The following HSPG2 variants were observed in gnomAD, a reference collection of about 807,000 sequenced individuals.
HSPG2 encodes heparan sulfate proteoglycan 2, also known as basement membrane-specific heparan sulfate proteoglycan core protein.
Under a neutral mutation model 526.6 loss-of-function variants are expected in HSPG2, and 278 were observed. That is an observed-to-expected ratio of 0.53 (90% CI 0.48 to 0.58). The LOEUF (loss-of-function observed/expected upper bound fraction) is 0.58, where lower values mean the gene tolerates loss of function less well. Among genes scored for constraint, HSPG2 ranks in the 20% least tolerant of loss-of-function variants. HSPG2 has a pLI of 0.00. For missense variants in HSPG2, 5,354 were observed against 6,099.5 expected, an observed-to-expected ratio of 0.88 and a Z score of 4.07; for synonymous variants, 2,465 against 2,555.4, an observed-to-expected ratio of 0.96 and a Z score of 1.07.
At position 21,851,663 on chromosome 1, in the gene HSPG2, G is replaced by C; in HGVS notation, c.7041C>G (p.Pro2347=). The change falls in exon 55 of 97, where the codon CCC becomes CCG. Residue 2347 remains proline (P), a synonymous_variant. Transcript: ENST00000374695. ...GCCCTTCCGCCACTTGCGAGGAGGAGGGCTCGATGCGGATGGGCTGGGTGC... is the reference window on the plus strand; with the variant it reads ...GCCCTTCCGCCACTTGCGAGGAGGACGGCTCGATGCGGATGGGCTGGGTGC... ...AGSTQPIRIE[P]SSSQVAEGQT... 1 of 1,614,010 alleles carries C rather than the reference G, an allele frequency of 6.2e-7. No individual in the cohort carries two copies. The highest frequency in any genetic ancestry group is 8.5e-7 in the Non-Finnish European group (1 of 1,180,020).
rs557835860 is a variant in HSPG2, at chr1:21,865,492, G to A, written c.4315-127C>T. Reference sequence around the variant, plus strand: ...CCTCTCTGCTCTCCCAAGCTCATGCGCCCAAAGGAGTCAGGCACATGCCCA... The same window carrying A: ...CCTCTCTGCTCTCCCAAGCTCATGCACCCAAAGGAGTCAGGCACATGCCCA... On this transcript the variant is annotated intron_variant, in intron 34 of 96. Coordinates refer to ENST00000374695, the MANE Select transcript of HSPG2 (RefSeq NM_005529.7). This position sits in a 1 kb window ranked among gnomAD's most constrained non-coding sequence, Gnocchi z 5.4. 11 of 963,394 alleles carry A rather than the reference G, an allele frequency of 1.1e-5. No homozygotes were observed. Among genetic ancestry groups the A allele is most frequent in the South Asian group, 5.3e-5 (4 of 74,860 alleles). 59.7% of individuals were successfully genotyped at this position (963,394 alleles called of 1,614,324 possible).
At position 21,908,516 on chromosome 1, in the gene HSPG2, T is replaced by C. The variant is rs1268824429; in HGVS notation, c.64-12206A>G. The C allele has an allele frequency of 3.1e-6, 3 of 960,656 alleles. No individual in the cohort carries two copies. The Admixed American group carries it at 5.1e-5, about 16-fold the overall frequency. The allele number at this position is 960,656 out of a possible 1,614,324, so 59.5% of individuals were successfully genotyped here. A position where few individuals can be genotyped will look rare whatever the true frequency, so the allele number is the denominator to read the frequency against. On this transcript the variant is annotated intron_variant, in intron 1 of 96. Coordinates refer to ENST00000374695, the MANE Select transcript of HSPG2 (RefSeq NM_005529.7). Reference sequence around the variant, plus strand: ...CCTGCTCCACCCAGCAAAGCACACTTTGTGAGAACCAATGGGAAGGAGCCT... The same window carrying C: ...CCTGCTCCACCCAGCAAAGCACACTCTGTGAGAACCAATGGGAAGGAGCCT...
chr1:21,921,293 A>G (rs891084374), intron 1 of HSPG2, among the ~76,000 whole-genome samples: 2 of 152,128 alleles, frequency 1.3e-5, no homozygotes, highest in Non-Finnish European at 2.9e-5. Flanking sequence ...GCAGGGTCTG[A>G]GCCTGGGAGA....
chr1:21,834,456 A>G (rs2098017986), intron 77 of HSPG2, among the ~76,000 whole-genome samples: 1 of 152,080 alleles, frequency 6.6e-6, no homozygotes, highest in Non-Finnish European at 1.5e-5. Flanking sequence ...TTGATGCTCT[A>G]TGGCCTAGCT....
rs1316660217 is a variant in HSPG2 at position 21,828,303 on chromosome 1, G to T, written c.12361C>A (p.Pro4121Thr). The T allele has an allele frequency of 6.2e-7, 1 of 1,613,702 alleles. No individual in the cohort carries two copies. Among genetic ancestry groups the T allele is most frequent in the Non-Finnish European group, 8.5e-7 (1 of 1,180,046 alleles). Residue 4121 changes from proline to threonine, a missense_variant, in exon 89 of 97, where the codon CCC (proline) becomes ACC (threonine). Coordinates refer to ENST00000374695, the MANE Select transcript of HSPG2 (RefSeq NM_005529.7). The surrounding 1 kb of genome is among the most constrained non-coding windows in gnomAD (Gnocchi z 6.0). ...CACTGGAACTCATACTCGCCAGCGG[G>T]CATGCACGTGGCACCATGTTGGCAA... ...QPCQHGATCMPAGEYEFQCLC... is the reference protein window; with the variant it reads ...QPCQHGATCMTAGEYEFQCLC...
chr1:21,835,477 G>C, intron 76 of HSPG2, 63 bp downstream of exon 76: 2 of 1,062,626 alleles, frequency 1.9e-6, no homozygotes, highest in Non-Finnish European at 2.9e-6. Context: ...TGGGCCTTGT[G>C]CCTCTCTGCC....
At position 21,841,633 on chromosome 1, in the gene HSPG2, G is replaced by T. The variant is rs745391539; in HGVS notation, c.9234C>A (p.Ile3078=). 6.2e-7 allele frequency: 1 copy of T among 1,614,086 alleles called. No individual in the cohort carries two copies. ...HISPNGSIIT[I]VGTRPSNHGT... is the part of the protein sequence containing the mutation. ...CGTGGTTGCTGGGCCGGGTGCCCAC[G>T]ATGGTGATGATGGAGCCATTGGGAC... Residue 3078 remains isoleucine, a synonymous_variant, in exon 70 of 97, where the codon ATC becomes ATA. Coordinates refer to ENST00000374695, the MANE Select transcript of HSPG2 (RefSeq NM_005529.7).
chr1:21,847,674 G>A lies in HSPG2; in HGVS notation c.8025+15C>T. On this transcript the variant is annotated intron_variant, in intron 61 of 96. Coordinates refer to ENST00000374695, the MANE Select transcript of HSPG2 (RefSeq NM_005529.7). The surrounding 1 kb of genome is among the most constrained non-coding windows in gnomAD (Gnocchi z 4.1). ...ACCATGGTTCCACCCCCGCTGCTGTGGCTCCACTCTGTACCTGGTGTCGGG... is the reference window on the plus strand; with the variant it reads ...ACCATGGTTCCACCCCCGCTGCTGTAGCTCCACTCTGTACCTGGTGTCGGG... 1.2e-6 allele frequency: 2 copies of A among 1,605,098 alleles called. No individual in the cohort carries two copies. Among genetic ancestry groups the A allele is most frequent in the Non-Finnish European group, 1.7e-6 (2 of 1,176,024 alleles).
At chr1:21,888,305 C>G (rs959860277) in intron 6 of HSPG2, among the ~76,000 whole-genome samples, 1 of 152,236 alleles carries the variant, frequency 6.6e-6, no homozygotes, top group Non-Finnish European at 1.5e-5. Flanking sequence ...GTTGACATGC[C>G]ACACGCATGC....
At position 21,839,582 on chromosome 1, in the gene HSPG2, A is replaced by T. The variant is rs780958377; in HGVS notation, c.9710-32T>A. 5.0e-6 allele frequency: 8 copies of T among 1,611,108 alleles called. 1 individual carries two copies. The East Asian group carries it at 1.8e-4, about 36-fold the overall frequency. On this transcript the variant is annotated intron_variant, in intron 72 of 96. Transcript: ENST00000374695. This position sits in a 1 kb window ranked among gnomAD's most constrained non-coding sequence, Gnocchi z 4.5. ...AGTCGAGTGGAAGATGACAGAAGTC[A>T]CTGGGCTACCTCAGGGACCCGCAGA...
chr1:21,896,253 C>A lies in HSPG2; in HGVS notation c.121G>T (p.Val41Phe). Residue 41 changes from valine (V) to phenylalanine (F), a missense_variant, in exon 2 of 97, where the codon GTC becomes TTC. Physicochemically the swap from Val to Phe is conservative, Grantham distance 50 (BLOSUM62 -1). Transcript: ENST00000374695. ...GTCCAGCGCATTTGGCTTGCTGTGA[C>A]GGTCTCTATGTCCTCAGGCAGAGAC... ...GLSLPEDIET[V>F]TASQMRWTHS... The A allele has an allele frequency of 6.2e-7, 1 of 1,613,998 alleles. No homozygotes were observed.
Position 21,864,757 on chromosome 1 carries a change from T to G in HSPG2, c.4626+86A>C. ...GCAGGGGTCATTATAGTTATGATGG[T>G]AATCAAGGCTGCGGCGACGCCGGCT... On this transcript the variant is annotated intron_variant, in intron 36 of 96. Coordinates refer to ENST00000374695, the MANE Select transcript of HSPG2 (RefSeq NM_005529.7). This position sits in a 1 kb window ranked among gnomAD's most constrained non-coding sequence, Gnocchi z 4.8. 2.8e-6 allele frequency: 3 copies of G among 1,089,960 alleles called. No individual in the cohort carries two copies. Among genetic ancestry groups the G allele is most frequent in the Non-Finnish European group, 4.1e-6 (3 of 732,284 alleles). The allele number at this position is 1,089,960 out of a possible 1,614,324, so 67.5% of individuals were successfully genotyped here. A position where few individuals can be genotyped will look rare whatever the true frequency, so the allele number is the denominator to read the frequency against.
Position 21,850,105 on chromosome 1 carries a change from G to C in HSPG2, c.7382C>G (p.Ala2461Gly). 1 of 1,613,448 alleles carries C rather than the reference G, an allele frequency of 6.2e-7. No homozygotes were observed. Among genetic ancestry groups the C allele is most frequent in the Middle Eastern group, 1.6e-4 (1 of 6,062 alleles). Residue 2461 changes from alanine (A) to glycine (G), a missense_variant, in exon 57 of 97, where the codon GCT (alanine) becomes GGT (glycine). Ala to Gly is a moderately conservative substitution (Grantham distance 60, BLOSUM62 0). Transcript: ENST00000374695. The part of the protein sequence containing the change: ...GQTLDLNCLV[A>G]GQAHAQVTWH... ...CGTGACCTGGGCATGGGCCTGACCA[G>C]CAACGAGGCAGTTCAGGTCCAGGGT...
chr1:21,852,786 G>C lies in HSPG2; in HGVS notation c.6638C>G (p.Ser2213Ter). The C allele has an allele frequency of 1.2e-6, 2 of 1,612,990 alleles. No individual in the cohort carries two copies. The highest frequency in any genetic ancestry group is 1.7e-6 in the Non-Finnish European group (2 of 1,179,892). Residue 2213 changes from serine (S) to a stop codon, truncating the protein, a stop_gained, in exon 52 of 97, where the codon TCA becomes TGA. Transcript: ENST00000374695. LOFTEE classifies it high-confidence loss of function. ...CACCACATGGCACACATACTCGCCT[G>C]AGTCGGCCGGGGTCACCTGGTGCAG... ...LRLHQVTPAD[S>*]GEYVCHVVGT... is the part of the protein sequence containing the mutation.
chr1:21,873,901 C>A (rs372255642), intron 29 of HSPG2, 24 bp downstream of exon 29: 11 of 1,551,160 alleles, frequency 7.1e-6, no homozygotes, highest in Non-Finnish European at 8.7e-6. Context: ...CGCATCCCCC[C>A]ACCCTCTCCA....
In HSPG2 at chr1:21,890,248, G is replaced by T; in HGVS notation, c.414-107C>A. 1 of 1,442,790 alleles carries T rather than the reference G, an allele frequency of 6.9e-7. No homozygotes were observed. The highest frequency in any genetic ancestry group is 2.3e-5 in the East Asian group (1 of 44,050). The allele number at this position is 1,442,790 out of a possible 1,614,324, so 89.4% of individuals were successfully genotyped here. A position where few individuals can be genotyped will look rare whatever the true frequency, so the allele number is the denominator to read the frequency against. Reference sequence around the variant, plus strand: ...CTCAGGCCCTGTTCCGGGACAGCCTGTACCCAAAGAAGGGCAACTAAAGGT... The same window carrying T: ...CTCAGGCCCTGTTCCGGGACAGCCTTTACCCAAAGAAGGGCAACTAAAGGT... On this transcript the variant is annotated intron_variant, in intron 5 of 96. Transcript: ENST00000374695. The surrounding 1 kb of genome is among the most constrained non-coding windows in gnomAD (Gnocchi z 4.1).
chr1:21,931,690 G>A (rs1207747697), intron 1 of HSPG2, among the ~76,000 whole-genome samples: 1 of 152,142 alleles, frequency 6.6e-6, no homozygotes, highest in African/African-American at 2.4e-5. Context: ...CACACCTCTG[G>A]CCTCCAAGTG....
chr1:21,849,120 A>G (rs1638688433), intron 57 of HSPG2, 89 bp from the exon 58 acceptor site: 2 of 1,464,100 alleles, frequency 1.4e-6, no homozygotes, highest in Admixed American at 3.6e-5. Context: ...TGCCACTCCC[A>G]GCCCAGCCAG....
At chr1:21,849,896 T>G in intron 57 of HSPG2, 145 bp downstream of exon 57, 4 of 984,968 alleles carry the variant, frequency 4.1e-6, no homozygotes, top group Middle Eastern at 3.1e-4. Context: ...GTCAGGCTGG[T>G]CTCAAACTCC....
Sources: gnomAD v4.1 joint callset for allele counts (sites outside exome capture counted in the v4.1 genomes callset) on GRCh38, gnomAD v4.1.1 for gene constraint, Gnocchi (gnomAD v3.1) non-coding constraint, MANE v1.5 for transcripts, NCBI Gene and HGNC (gene_info 2026-07-23, HGNC 2026-07-21) for gene names.